NOX4: variants seen among roughly 807,000 people sequenced by gnomAD.
NOX4 encodes kidney oxidase-1.
Under a neutral mutation model 87.6 loss-of-function variants are expected in NOX4, and 69 were observed. That is an observed-to-expected ratio of 0.79 (90% CI 0.65 to 0.96). The LOEUF is 0.96. Among genes scored for constraint, NOX4 ranks in the 40% least tolerant of loss-of-function variants. The probability of loss-of-function intolerance (pLI) is 0.00; values close to 1 mark genes in which losing one functional copy is unlikely to be tolerated. For missense variants in NOX4, 680 were observed against 681.5 expected (o/e 1.00, Z 0.02); for synonymous variants, 275 against 238.2 (o/e 1.15, Z -1.42).
chr11:89,512,056 T>A, the NOX4 span, among the ~76,000 whole-genome samples: 1 of 152,220 alleles, frequency 6.6e-6, no homozygotes, highest in African/African-American at 2.4e-5. Flanking sequence ...CCTGATATGT[T>A]ATCAGCTTGC....
In NOX4 at chr11:89,400,358, G is replaced by T; in HGVS notation, c.868C>A (p.Pro290Thr). ...FPQTWLWISG[P>T]LCLYCAERLY... ...CTTTCGGCACAGTACAGGCACAAAG[G>T]TCCAGAAATCCAAAGCCAAGTCTAA... is the stretch of plus-strand genomic sequence containing the variant. Residue 290 changes from proline (P) to threonine (T), a missense_variant, in exon 10 of 18, where the codon CCT becomes ACT. Coordinates refer to ENST00000263317, the MANE Select transcript of NOX4 (RefSeq NM_016931.5). 6.3e-7 allele frequency: 1 copy of T among 1,580,362 alleles called. No homozygotes were observed. Among genetic ancestry groups the T allele is most frequent in the Non-Finnish European group, 8.6e-7 (1 of 1,166,398 alleles).
At chr11:89,452,892 C>T (rs1353041727) in intron 2 of NOX4, among the ~76,000 whole-genome samples, 3 of 151,832 alleles carry the variant, frequency 2.0e-5, no homozygotes, top group African/African-American at 7.2e-5. Context: ...TTAAAATCCA[C>T]GTTTAGTCAG....
At chr11:89,454,850 A>G (rs965792792) in intron 2 of NOX4, among the ~76,000 whole-genome samples, 1 of 152,126 alleles carries the variant, frequency 6.6e-6, no homozygotes, top group African/African-American at 2.4e-5. Context: ...AGTAAGAACT[A>G]TTATACTCAA....
At chr11:89,449,396 T>C (rs757665595) in intron 4 of NOX4, 44 bp downstream of exon 4, 1 of 1,380,138 alleles carries the variant, frequency 7.2e-7, no homozygotes, top group Non-Finnish European at 1.0e-6. Flanking sequence ...TACATTTAAA[T>C]GTGTAATTCT....
At chr11:89,330,189 A>C (rs1945411355) in intron 17 of NOX4, among the ~76,000 whole-genome samples, 2 of 151,940 alleles carry the variant, frequency 1.3e-5, no homozygotes, top group South Asian at 4.1e-4. Flanking sequence ...TCCTACAAAA[A>C]ATTTTAAAAA....
chr11:89,414,737 A>G (rs1244956110), intron 8 of NOX4, among the ~76,000 whole-genome samples: 3 of 151,768 alleles, frequency 2.0e-5, no homozygotes, highest in African/African-American at 4.8e-5. Context: ...CACCATAAAG[A>G]AGCCATTTTC....
intron 6 of NOX4, among the ~76,000 whole-genome samples, chr11:89,439,268 T>TA (rs1944354706): frequency 6.6e-6 from 1 of 151,752 alleles, no homozygotes. Context: ...CATTGGTTGA[T>TA]ACGTAAAGTT....
At chr11:89,420,603 CA>C (rs1488470972) in intron 8 of NOX4, among the ~76,000 whole-genome samples, 2 of 151,896 alleles carry the variant, frequency 1.3e-5, no homozygotes, top group Non-Finnish European at 2.9e-5. Context: ...TCTCTAAAAT[CA>C]GGTGGAAAAA....
At chr11:89,559,529 T>G in the NOX4 span, among the ~76,000 whole-genome samples, 63,202 of 151,894 alleles carry the variant, frequency 0.42, 13,986 homozygotes, top group African/African-American at 0.57. Context: ...ACTGAATATG[T>G]ATTTAGGGAG....
intron 8 of NOX4, among the ~76,000 whole-genome samples, chr11:89,403,321 A>T (rs1461046968): frequency 6.6e-6 from 1 of 152,200 alleles, no homozygotes; most frequent in African/African-American, 2.4e-5. Flanking sequence ...AGCATCAACA[A>T]GGTCACTGCT....
chr11:89,437,047 T>C (rs757710657), intron 6 of NOX4, among the ~76,000 whole-genome samples: 1 of 151,876 alleles, frequency 6.6e-6, no homozygotes, highest in Non-Finnish European at 1.5e-5. Context: ...CAAAAATCCA[T>C]GAAATCTATT....
At chr11:89,579,171 G>C in the NOX4 span, among the ~76,000 whole-genome samples, 2 of 152,188 alleles carry the variant, frequency 1.3e-5, no homozygotes, top group Non-Finnish European at 2.9e-5. Flanking sequence ...TGGAGGAGTA[G>C]GTGGAGCACA....
At chr11:89,477,942 C>T (rs1261373226) in intron 2 of NOX4, among the ~76,000 whole-genome samples, 2 of 152,098 alleles carry the variant, frequency 1.3e-5, no homozygotes, top group African/African-American at 4.8e-5. Flanking sequence ...GCATGCTTTG[C>T]TCTAAACTAG....
the NOX4 span, among the ~76,000 whole-genome samples, chr11:89,521,973 T>A: frequency 6.6e-6 from 1 of 151,886 alleles, no homozygotes. Flanking sequence ...AAAACCACAA[T>A]GAGATACCAC....
the NOX4 span, among the ~76,000 whole-genome samples, chr11:89,576,600 A>G: frequency 6.6e-6 from 1 of 152,162 alleles, no homozygotes; most frequent in Non-Finnish European, 1.5e-5. Flanking sequence ...CATTAACGCC[A>G]TATAGTTAAT....
At chr11:89,352,022 T>A (rs4753216) in intron 13 of NOX4, among the ~76,000 whole-genome samples, 67 of 152,292 alleles carry the variant, frequency 4.4e-4, no homozygotes, top group Middle Eastern at 3.4e-3. Flanking sequence ...AGTTAAATAC[T>A]TCATGTTCTC....
At chr11:89,515,871 CA>C in the NOX4 span, among the ~76,000 whole-genome samples, 1 of 151,826 alleles carries the variant, frequency 6.6e-6, no homozygotes, top group Non-Finnish European at 1.5e-5. Flanking sequence ...TATTCTGTTG[CA>C]AAAAAATTAC....
chr11:89,339,965 G>C, intron 15 of NOX4, 98 bp downstream of exon 15: 1 of 588,462 alleles, frequency 1.7e-6, no homozygotes, highest in Non-Finnish European at 3.0e-6. Flanking sequence ...TAATTTCTAT[G>C]GTTTATTCTA....
At chr11:89,451,936 T>C (rs1347534957) in intron 2 of NOX4, 41 bp from the exon 3 acceptor site, 2 of 1,347,156 alleles carry the variant, frequency 1.5e-6, no homozygotes, top group South Asian at 2.3e-5. Flanking sequence ...TTAAGGACAG[T>C]AGTAAAGCCC....
Sources: allele counts gnomAD v4.1 joint callset (sites outside exome capture counted in the v4.1 genomes callset), GRCh38; gene constraint gnomAD v4.1.1; transcripts MANE v1.5; gene names NCBI Gene and HGNC (gene_info 2026-07-23, HGNC 2026-07-21).